Variants in RASGRF1 observed in about 807,000 individuals in gnomAD.
The protein encoded by RASGRF1 is Ras protein specific guanine nucleotide releasing factor 1, also known as ras-specific guanine nucleotide-releasing factor 1.
RASGRF1 carries 40 observed loss-of-function variants against 138.7 expected under a neutral mutation model. The observed-to-expected ratio is 0.29, with a 90% confidence interval of 0.22 to 0.38. RASGRF1 has a LOEUF of 0.38. Among genes scored for constraint, RASGRF1 ranks in the 10% least tolerant of loss-of-function variants. The probability of loss-of-function intolerance (pLI) is 1.00; values close to 1 mark genes in which losing one functional copy is unlikely to be tolerated. For synonymous variants in RASGRF1, 614 were observed against 663.2 expected (o/e 0.93, Z 1.14); for missense variants, 1,108 against 1,650.4 (o/e 0.67, Z 5.69).
intron 1 of RASGRF1, among the ~76,000 whole-genome samples, chr15:79,074,085 A>C (rs2057798230): frequency 6.6e-6 from 1 of 152,206 alleles, no homozygotes; most frequent in South Asian, 2.1e-4. Context: ...TAGATGTAAA[A>C]ATACATTTCT....
At chr15:79,019,131 T>C (rs1203535223) in intron 11 of RASGRF1, among the ~76,000 whole-genome samples, 2 of 151,990 alleles carry the variant, frequency 1.3e-5, no homozygotes, top group Non-Finnish European at 2.9e-5. Flanking sequence ...CCCATCCCCA[T>C]GCCATGCTGG....
intron 5 of RASGRF1, among the ~76,000 whole-genome samples, chr15:79,039,316 A>G (rs1253107257): frequency 1.3e-5 from 2 of 151,028 alleles, no homozygotes; most frequent in Non-Finnish European, 3.0e-5. Context: ...AAAAAAAAAA[A>G]AAAAAAGAAA....
Position 79,001,730 on chromosome 15 carries a change from C to A in RASGRF1, c.2507G>T (p.Gly836Val). The part of the protein sequence containing the change: ...SDIDQNQSDD[G>V]DTETSPTKSP... ...TTTAGTTGGTGATGTTTCAGTATCA[C>A]CATCATCACTCTGGTTTTGATCAAT... Residue 836 changes from glycine to valine, a missense_variant, in exon 16 of 27, where the codon GGT becomes GTT. Around this residue, in one of 3 missense-constraint regions of RASGRF1, gnomAD observed 686 missense variants for 976.7 expected, o/e 0.70. Transcript: ENST00000558480. The A allele has an allele frequency of 6.2e-7, 1 of 1,610,214 alleles. No individual in the cohort carries two copies. Among genetic ancestry groups the A allele is most frequent in the South Asian group, 1.1e-5 (1 of 90,966 alleles).
chr15:79,073,353 C>A lies in RASGRF1; in HGVS notation c.277-8827G>T, dbSNP rs1485629707. ...AGCTGGGCTGGGGCTCTTCCCTTAA[C>A]TGGACTGGAGCCAGGTAGAGCAAGG... On this transcript the variant is annotated intron_variant, in intron 1 of 26. Coordinates refer to ENST00000558480, the MANE Select transcript of RASGRF1 (RefSeq NM_001145648.3). The surrounding 1 kb of genome is among the most constrained non-coding windows in gnomAD (Gnocchi z 4.2). Among the ~76,000 whole-genome samples the A allele has an allele frequency of 6.6e-6, 1 of 152,154 alleles. No homozygotes were observed. The highest frequency in any genetic ancestry group is 2.4e-5 in the African/African-American group (1 of 41,432).
Position 79,090,741 on chromosome 15 carries a change from C to A in RASGRF1, c.-243G>T. On this transcript the variant is annotated 5_prime_UTR_variant, in exon 1 of 27. Transcript: ENST00000558480. Reference sequence around the variant, plus strand: ...GCAGAGCCCCAGTACCCGGAAGATGCCGCCCGACCCTCCTCCGGTGCCGGG... The same window carrying A: ...GCAGAGCCCCAGTACCCGGAAGATGACGCCCGACCCTCCTCCGGTGCCGGG... The A allele has an allele frequency of 1.1e-5, 6 of 550,524 alleles. No individual in the cohort carries two copies. The highest frequency in any genetic ancestry group is 1.9e-5 in the Non-Finnish European group (6 of 321,740). The allele number at this position is 550,524 out of a possible 1,614,324, so 34.1% of individuals were successfully genotyped here.
chr15:78,972,390 C>T (rs1338501131), intron 25 of RASGRF1, among the ~76,000 whole-genome samples: 1 of 151,794 alleles, frequency 6.6e-6, no homozygotes, highest in South Asian at 2.1e-4. Context: ...CGACCACACC[C>T]GGCCTCATGT....
At chr15:79,045,993 T>C (rs1449278766) in intron 5 of RASGRF1, among the ~76,000 whole-genome samples, 2 of 152,218 alleles carry the variant, frequency 1.3e-5, no homozygotes, top group East Asian at 1.9e-4. Context: ...TTTATCTAGT[T>C]TATACAATTT....
At chr15:78,980,851 C>T in intron 23 of RASGRF1, 152 bp from the exon 24 acceptor site, 1 of 513,496 alleles carries the variant, frequency 1.9e-6, no homozygotes, top group Non-Finnish European at 3.5e-6. Flanking sequence ...GGGCACCTTG[C>T]CCCTGAACTC....
chr15:79,021,425 G>A (rs1284691825), intron 10 of RASGRF1, among the ~76,000 whole-genome samples: 1 of 152,204 alleles, frequency 6.6e-6, no homozygotes, highest in African/African-American at 2.4e-5. Context: ...TTAGCCCCCA[G>A]GACTAACCCA....
Position 79,034,780 on chromosome 15 carries a change from T to C in RASGRF1, c.958+351A>G, listed in dbSNP as rs1174304913. Among the ~76,000 whole-genome samples, 3 of 152,054 alleles carry C rather than the reference T, an allele frequency of 2.0e-5. No homozygotes were observed. In the East Asian group the frequency reaches 5.8e-4, roughly 29 times the overall value. ...CCCAAGATCTATGCACAGAAAAAAATTGGAAGAAAACACACCAAAGTGTTT... is the reference window on the plus strand; with the variant it reads ...CCCAAGATCTATGCACAGAAAAAAACTGGAAGAAAACACACCAAAGTGTTT... On this transcript the variant is annotated intron_variant, in intron 6 of 26. Coordinates refer to ENST00000558480, the MANE Select transcript of RASGRF1 (RefSeq NM_001145648.3).
rs563528519 is a variant in RASGRF1 at position 79,047,686 on chromosome 15, C to T, written c.625-687G>A. On this transcript the variant is annotated intron_variant, in intron 4 of 26. Coordinates refer to ENST00000558480, the MANE Select transcript of RASGRF1 (RefSeq NM_001145648.3). ...ACTCAGTTGCCTTGGAGCTGGGCTG[C>T]TTGGAGTGGCCTCATGTTGGCAAGA... Among the ~76,000 whole-genome samples, 10 of 152,278 alleles carry T rather than the reference C, an allele frequency of 6.6e-5. 1 individual carries two copies. The South Asian group carries it at 2.1e-3, about 32-fold the overall frequency.
chr15:79,033,582 T>TA (rs2057174007), intron 6 of RASGRF1, among the ~76,000 whole-genome samples: 1 of 2,390 alleles, frequency 4.2e-4, no homozygotes, highest in Non-Finnish European at 2.9e-3. Flanking sequence ...TTTTCTTTTC[T>TA]TTTTTTTTTT....
At chr15:79,039,280 G>A (rs2057263430) in intron 5 of RASGRF1, among the ~76,000 whole-genome samples, 1 of 111,308 alleles carries the variant, frequency 9.0e-6, no homozygotes, top group Admixed American at 1.3e-4. Context: ...CTGGGCAACA[G>A]AGTGAGACCC....
Position 79,027,251 on chromosome 15 carries a change from C to T in RASGRF1, c.1381+490G>A, listed in dbSNP as rs551767835. 2.0e-4 allele frequency among the ~76,000 whole-genome samples: 30 copies of T among 152,294 alleles called. No individual in the cohort carries two copies. The highest frequency in any genetic ancestry group is 7.0e-4 in the African/African-American group (29 of 41,562). On this transcript the variant is annotated intron_variant, in intron 9 of 26. Transcript: ENST00000558480. The surrounding 1 kb of genome is among the most constrained non-coding windows in gnomAD (Gnocchi z 4.8). ...GCTCCCAAGGTAAGCGAGGCTGAAG[C>T]TTGGGAAAGACCTTCTACCCATGAG...
chr15:78,978,923 C>A, intron 24 of RASGRF1: 1 of 1,272,250 alleles, frequency 7.9e-7, no homozygotes. Flanking sequence ...GGGAGAGACA[C>A]TTACACGGGC....
chr15:79,025,950 A>G (rs906735394), intron 9 of RASGRF1, among the ~76,000 whole-genome samples: 2 of 150,302 alleles, frequency 1.3e-5, no homozygotes, highest in Non-Finnish European at 3.0e-5. Context: ...AAAAAGATAC[A>G]TTGCACTCCT....
In RASGRF1 at chr15:79,025,474, C is replaced by G; in HGVS notation, c.1382G>C (p.Gly461Ala). The G allele has an allele frequency of 6.2e-7, 1 of 1,611,572 alleles. No homozygotes were observed. Among genetic ancestry groups the G allele is most frequent in the Non-Finnish European group, 8.5e-7 (1 of 1,178,664 alleles). ...LDTSQTFVRQ[G>A]SLIQVPMSEK... ...AGACATGGGCACCTGAATGAGGGAACCTGTGGGTGGAGGAGAGAGACCCTG... is the reference window on the plus strand; with the variant it reads ...AGACATGGGCACCTGAATGAGGGAAGCTGTGGGTGGAGGAGAGAGACCCTG... The change falls in exon 10 of 27, where the codon GGT becomes GCT. Residue 461 changes from glycine (G) to alanine (A), a missense_variant and splice_region_variant. Physicochemically the swap from Gly to Ala is moderately conservative, Grantham distance 60. This residue lies in a region of RASGRF1 where 169 missense variants were observed against 344.2 expected (regional missense o/e 0.49). Coordinates refer to ENST00000558480, the MANE Select transcript of RASGRF1 (RefSeq NM_001145648.3).
At chr15:79,040,238 C>T (rs1226971780) in intron 5 of RASGRF1, among the ~76,000 whole-genome samples, 1 of 152,046 alleles carries the variant, frequency 6.6e-6, no homozygotes, top group Non-Finnish European at 1.5e-5. Context: ...TCACCCCCTC[C>T]CCCCTTCATC....
intron 1 of RASGRF1, among the ~76,000 whole-genome samples, chr15:79,087,485 T>C (rs1458073452): frequency 1.3e-5 from 2 of 152,214 alleles, no homozygotes; most frequent in African/African-American, 2.4e-5. Flanking sequence ...GGCTTCCTGC[T>C]GAAACCAATT....
Sources: allele counts gnomAD v4.1 joint callset (sites outside exome capture counted in the v4.1 genomes callset), GRCh38; gene constraint gnomAD v4.1.1; regional missense constraint gnomAD v4.1.1; non-coding constraint Gnocchi (gnomAD v3.1); transcripts MANE v1.5; gene names NCBI Gene and HGNC (gene_info 2026-07-23, HGNC 2026-07-21).